The following RNF121 variants were observed in gnomAD, a reference collection of about 807,000 sequenced individuals.
RNF121 encodes the protein E3 ubiquitin ligase RNF121.
RNF121 carries 21 observed loss-of-function variants against 46.5 expected under a neutral mutation model. The observed-to-expected ratio is 0.45, with a 90% CI of 0.32 to 0.65. The LOEUF (loss-of-function observed/expected upper bound fraction) is 0.65, where lower values mean the gene tolerates loss of function less well. Among genes scored for constraint, RNF121 ranks in the 30% least tolerant of loss-of-function variants. The pLI is 0.04. For synonymous variants in RNF121, 139 were observed against 144.7 expected (o/e 0.96, Z 0.28); for missense variants, 346 against 416.0 (o/e 0.83, Z 1.46).
intron 1 of RNF121, among the ~76,000 whole-genome samples, chr11:71,945,424 G>A (rs1953691123): frequency 6.6e-6 from 1 of 152,170 alleles, no homozygotes; most frequent in African/African-American, 2.4e-5. Context: ...GGATTCTTCT[G>A]CAATATCATC....
intron 1 of RNF121, among the ~76,000 whole-genome samples, chr11:71,943,987 A>G (rs924919940): frequency 6.6e-6 from 1 of 152,168 alleles, no homozygotes; most frequent in Non-Finnish European, 1.5e-5. Flanking sequence ...TGCTGTGCTG[A>G]GGAGTTTGGA....
At chr11:71,996,151 T>C in intron 8 of RNF121, 44 bp from the exon 9 acceptor site, 1 of 1,611,214 alleles carries the variant, frequency 6.2e-7, no homozygotes, top group East Asian at 2.2e-5. Flanking sequence ...AGATCACTCC[T>C]GGCAGCTCTT....
chr11:71,946,475 T>C (rs573041204), intron 1 of RNF121, among the ~76,000 whole-genome samples: 2 of 152,172 alleles, frequency 1.3e-5, no homozygotes, highest in South Asian at 4.1e-4. Context: ...GATTTTCCCC[T>C]GTCACCCTCC....
intron 1 of RNF121, among the ~76,000 whole-genome samples, chr11:71,948,019 T>G (rs535870574): frequency 2.4e-3 from 371 of 152,288 alleles, no homozygotes; most frequent in Middle Eastern, 0.01. Flanking sequence ...TGAAAGATTC[T>G]GGAGGAGGTG....
chr11:71,986,902 C>G, intron 4 of RNF121, 102 bp from the exon 5 acceptor site: 1 of 732,632 alleles, frequency 1.4e-6, no homozygotes, highest in Non-Finnish European at 2.5e-6. Flanking sequence ...GAGCAAAGAC[C>G]CTGGTGTCCC....
At chr11:71,962,275 C>G in intron 3 of RNF121, 2 of 984,254 alleles carry the variant, frequency 2.0e-6, no homozygotes, top group African/African-American at 1.7e-5. Context: ...ATTTTTACAA[C>G]CTATTCTGAA....
At chr11:71,973,953 T>C (rs763801254) in intron 3 of RNF121, among the ~76,000 whole-genome samples, 1 of 152,190 alleles carries the variant, frequency 6.6e-6, no homozygotes, top group Non-Finnish European at 1.5e-5. Flanking sequence ...TTTGTTTGTT[T>C]GTTTTTGAGA....
intron 1 of RNF121, among the ~76,000 whole-genome samples, chr11:71,931,453 T>G (rs1325839244): frequency 6.6e-6 from 1 of 152,224 alleles, no homozygotes; most frequent in Non-Finnish European, 1.5e-5. Context: ...AGAGGTCTGG[T>G]CTGGCAGACC....
chr11:71,964,474 T>G (rs1346237242), intron 3 of RNF121, among the ~76,000 whole-genome samples: 1 of 150,958 alleles, frequency 6.6e-6, no homozygotes. Context: ...ATTGGATACC[T>G]TTTTTTTTCC....
intron 1 of RNF121, among the ~76,000 whole-genome samples, chr11:71,930,817 CA>C (rs1275527615): frequency 1.3e-5 from 2 of 152,130 alleles, no homozygotes; most frequent in Non-Finnish European, 2.9e-5. Context: ...GAAGTTTTGG[CA>C]GAGGAGAAAA....
intron 3 of RNF121, 100 bp downstream of exon 3, chr11:71,960,991 G>A: frequency 7.5e-7 from 1 of 1,331,918 alleles, no homozygotes; most frequent in South Asian, 1.3e-5. Context: ...TGGAGGTGGA[G>A]AAAGACAATA....
At chr11:71,936,126 C>T (rs1953403368) in intron 1 of RNF121, among the ~76,000 whole-genome samples, 2 of 151,856 alleles carry the variant, frequency 1.3e-5, no homozygotes, top group Admixed American at 6.6e-5. Context: ...GGATTATAGG[C>T]GTGAGATTAT....
chr11:71,932,192 G>GCTA (rs1340780461), intron 1 of RNF121, among the ~76,000 whole-genome samples: 1 of 152,180 alleles, frequency 6.6e-6, no homozygotes, highest in African/African-American at 2.4e-5. Context: ...AGTAGAAAAG[G>GCTA]CTACTATTTA....
chr11:71,957,745 T>C (rs962462183), intron 2 of RNF121, among the ~76,000 whole-genome samples: 6 of 152,070 alleles, frequency 3.9e-5, no homozygotes, highest in Non-Finnish European at 1.5e-5. Flanking sequence ...GTTAAGAAAA[T>C]GGGAGATGTA....
At chr11:71,942,649 G>A (rs978902325) in intron 1 of RNF121, among the ~76,000 whole-genome samples, 6 of 151,478 alleles carry the variant, frequency 4.0e-5, no homozygotes. Context: ...CAGTAATCCC[G>A]GCTACTCTGG....
chr11:71,946,646 GGTT>G (rs1459792055), intron 1 of RNF121, among the ~76,000 whole-genome samples: 1 of 150,120 alleles, frequency 6.7e-6, no homozygotes, highest in Non-Finnish European at 1.5e-5. Context: ...ATGAGCATGA[GGTT>G]TTTTTTTTTT....
intron 1 of RNF121, among the ~76,000 whole-genome samples, chr11:71,934,880 G>C (rs967678357): frequency 6.6e-6 from 1 of 151,868 alleles, no homozygotes; most frequent in East Asian, 1.9e-4. Flanking sequence ...AGTGCTGAGG[G>C]TGAAATAATA....
At chr11:71,959,666 C>T in intron 2 of RNF121, among the ~76,000 whole-genome samples, 1 of 138,978 alleles carries the variant, frequency 7.2e-6, no homozygotes, top group African/African-American at 2.7e-5. Flanking sequence ...GATGGAATCT[C>T]ATTCTGTCGC....
chr11:71,993,795 T>C (rs1954913473), intron 6 of RNF121, among the ~76,000 whole-genome samples: 1 of 152,110 alleles, frequency 6.6e-6, no homozygotes, highest in African/African-American at 2.4e-5. Context: ...ATTATGATAA[T>C]GCTTAAGTGA....
Sources: gnomAD v4.1 joint callset for allele counts (sites outside exome capture counted in the v4.1 genomes callset) on GRCh38, gnomAD v4.1.1 for gene constraint, MANE v1.5 for transcripts, NCBI Gene and HGNC (gene_info 2026-07-23, HGNC 2026-07-21) for gene names.